The following WNK3 variants were observed in gnomAD, a reference collection of about 807,000 sequenced individuals.
WNK3 encodes WNK lysine deficient protein kinase 3.
In WNK3, 18 loss-of-function variants were observed where a neutral mutation model predicts 116.7. That is an observed-to-expected ratio of 0.15 (90% CI 0.11 to 0.23). WNK3 has a LOEUF of 0.23. Among genes scored for constraint, WNK3 ranks in the 10% least tolerant of loss-of-function variants. WNK3 has a pLI of 1.00. For missense variants in WNK3, 993 were observed against 1,323.8 expected (o/e 0.75, Z 3.88); for synonymous variants, 404 against 469.4 (o/e 0.86, Z 1.80).
Position 54,249,111 on chromosome X carries a change from G to T in WNK3, c.3237C>A (p.Thr1079=), listed in dbSNP as rs782689332. ...GAAGGGTAGTTGGTTCAAGGCCAGG[G>T]GTCTGAGTGGGAATGACTGTCTTAG... Residue 1079 remains threonine, a synonymous_variant, in exon 17 of 24, where the codon ACC becomes ACA. Transcript: ENST00000354646. 1.2e-5 allele frequency: 14 copies of T among 1,210,021 alleles called. No homozygotes were observed. In the African/African-American group the frequency reaches 1.7e-4, roughly 15 times the overall value.
At chrX:54,297,522 A>G (rs1557166570) in intron 7 of WNK3, among the ~76,000 whole-genome samples, 3 of 107,561 alleles carry the variant, frequency 2.8e-5, no homozygotes, top group African/African-American at 1.0e-4. Flanking sequence ...GGTCGTGGTG[A>G]GCCGAGATTG....
At chrX:54,299,892 C>T (rs1415677188) in intron 6 of WNK3, among the ~76,000 whole-genome samples, 1 of 110,008 alleles carries the variant, frequency 9.1e-6, no homozygotes, top group Non-Finnish European at 1.9e-5. Context: ...TGGAGTCTCA[C>T]TCTGTTGCCC....
exon 3 of WNK3, chrX:54,311,219 G>T (rs782334275): frequency 1.7e-6 from 2 of 1,199,231 alleles, no homozygotes; most frequent in Non-Finnish European, 2.3e-6. Flanking sequence ...ACTATATTGG[G>T]GTGCTGGAGA....
At chrX:54,310,771 C>G (rs782643530) in intron 3 of WNK3, among the ~76,000 whole-genome samples, 2 of 109,314 alleles carry the variant, frequency 1.8e-5, no homozygotes, top group African/African-American at 6.7e-5. Context: ...GCTTTGTCAA[C>G]CAGGCTGGAA....
intron 22 of WNK3, among the ~76,000 whole-genome samples, chrX:54,211,724 C>G: frequency 9.1e-6 from 1 of 109,315 alleles, no homozygotes; most frequent in East Asian, 2.9e-4. Context: ...GAATCAATCG[C>G]TTGAGCCCGG....
At chrX:54,228,510 G>A (rs2067866610) in intron 22 of WNK3, among the ~76,000 whole-genome samples, 1 of 111,136 alleles carries the variant, frequency 9.0e-6, no homozygotes, top group Admixed American at 9.7e-5. Context: ...TGGGGTAGAG[G>A]AGCTACAATG....
chrX:54,355,665 T>C (rs1208248973), intron 1 of WNK3, among the ~76,000 whole-genome samples: 5 of 111,273 alleles, frequency 4.5e-5, no homozygotes, highest in Non-Finnish European at 9.4e-5. Context: ...CTGTTTATGT[T>C]ATTCCCCTTC....
intron 2 of WNK3, among the ~76,000 whole-genome samples, chrX:54,316,104 T>C (rs989622565): frequency 5.4e-5 from 6 of 111,570 alleles, no homozygotes; most frequent in African/African-American, 2.0e-4. Flanking sequence ...CCCTGTATTA[T>C]AGATGGAATG....
chrX:54,316,158 C>T (rs1306169136), intron 2 of WNK3, among the ~76,000 whole-genome samples: 1 of 111,200 alleles, frequency 9.0e-6, no homozygotes, highest in Non-Finnish European at 1.9e-5. Context: ...GTTAAAACCC[C>T]AACCCCAATG....
At chrX:54,251,012 T>C (rs1281691581) in intron 15 of WNK3, among the ~76,000 whole-genome samples, 2 of 111,839 alleles carry the variant, frequency 1.8e-5, no homozygotes, top group African/African-American at 3.2e-5. Context: ...AAAATCAAGA[T>C]ACGAATGACT....
At chrX:54,342,278 T>A (rs1261491329) in intron 1 of WNK3, among the ~76,000 whole-genome samples, 10 of 107,281 alleles carry the variant, frequency 9.3e-5, no homozygotes, top group East Asian at 3.0e-4. Context: ...AAATTTTTTT[T>A]AAATATGGCT....
chrX:54,356,471 C>T (rs782628238), intron 1 of WNK3, among the ~76,000 whole-genome samples: 17 of 110,966 alleles, frequency 1.5e-4, no homozygotes, highest in Middle Eastern at 9.3e-3. Context: ...CCACCACGCC[C>T]GGCTAAGCTT....
intron 22 of WNK3, among the ~76,000 whole-genome samples, chrX:54,219,633 G>A (rs955940888): frequency 9.6e-4 from 84 of 87,872 alleles, no homozygotes; most frequent in Non-Finnish European, 1.2e-3. Context: ...AGCCGAGATC[G>A]CGCCAGCCTG....
chrX:54,333,442 C>T, exon 2 of WNK3: 2 of 1,211,769 alleles, frequency 1.7e-6, no homozygotes, highest in Non-Finnish European at 2.2e-6. Flanking sequence ...ATTCTCTCAT[C>T]TTTGGGGGAT....
intron 8 of WNK3, among the ~76,000 whole-genome samples, chrX:54,294,052 G>A (rs1331943553): frequency 9.1e-6 from 1 of 110,441 alleles, no homozygotes; most frequent in Non-Finnish European, 1.9e-5. Flanking sequence ...GTAGTGGCAC[G>A]CACTTGTAGT....
chrX:54,260,867 G>A (rs956521523), intron 10 of WNK3, among the ~76,000 whole-genome samples: 17 of 107,912 alleles, frequency 1.6e-4, no homozygotes, highest in Admixed American at 6.0e-4. Flanking sequence ...CACTACAGGC[G>A]CGTACCACCA....
intron 2 of WNK3, among the ~76,000 whole-genome samples, chrX:54,327,141 G>A (rs2069115217): frequency 8.9e-6 from 1 of 112,305 alleles, no homozygotes; most frequent in East Asian, 2.8e-4. Context: ...CTGAGAGTTT[G>A]TTTTCAACAT....
At chrX:54,310,418 A>G (rs2068874202) in intron 3 of WNK3, among the ~76,000 whole-genome samples, 1 of 109,664 alleles carries the variant, frequency 9.1e-6, no homozygotes, top group African/African-American at 3.3e-5. Flanking sequence ...ATGTTGCTGC[A>G]TGCTTGTGGT....
chrX:54,314,676 G>A (rs1557170367), intron 2 of WNK3, among the ~76,000 whole-genome samples: 1 of 111,009 alleles, frequency 9.0e-6, no homozygotes, highest in Non-Finnish European at 1.9e-5. Flanking sequence ...GGCTGAGGCT[G>A]GAGGATCGCT....
Sources: allele counts gnomAD v4.1 joint callset (sites outside exome capture counted in the v4.1 genomes callset), GRCh38; gene constraint gnomAD v4.1.1; transcripts MANE v1.5; gene names NCBI Gene and HGNC (gene_info 2026-07-23, HGNC 2026-07-21).